The following CADPS2 variants were observed in gnomAD, a reference collection of about 807,000 sequenced individuals.
The protein encoded by CADPS2 is calcium dependent secretion activator 2.
A neutral mutation model predicts 172.5 loss-of-function variants in CADPS2; 93 were observed. The observed-to-expected ratio is 0.54, with a 90% CI of 0.46 to 0.64. CADPS2 has a LOEUF of 0.64. CADPS2 is among the 30% of genes least tolerant of loss of function. The pLI is 0.00. For missense variants in CADPS2, 1,420 were observed against 1,565.9 expected, an observed-to-expected ratio of 0.91 and a Z score of 1.57; for synonymous variants, 546 against 555.2, an observed-to-expected ratio of 0.98 and a Z score of 0.23.
intron 1 of CADPS2, among the ~76,000 whole-genome samples, chr7:122,820,761 T>G (rs1228256884): frequency 1.5e-5 from 2 of 134,268 alleles, no homozygotes; most frequent in African/African-American, 5.7e-5. Flanking sequence ...GGGTTTCACC[T>G]TGTTAGCCAG....
At chr7:122,429,830 T>C (rs1268119600) in intron 17 of CADPS2, among the ~76,000 whole-genome samples, 1 of 151,990 alleles carries the variant, frequency 6.6e-6, no homozygotes, top group Admixed American at 6.6e-5. Context: ...ATCTTAGAAA[T>C]ATTAGTAAAA....
intron 2 of CADPS2, among the ~76,000 whole-genome samples, chr7:122,721,604 A>C (rs189651300): frequency 0.073 from 11,061 of 152,246 alleles, 443 homozygotes; most frequent in South Asian, 0.17. Flanking sequence ...GAATTCTACC[A>C]GAGGTACAAG....
chr7:122,517,333 G>A (rs1266627572), intron 8 of CADPS2, among the ~76,000 whole-genome samples: 5 of 151,928 alleles, frequency 3.3e-5, no homozygotes, highest in African/African-American at 1.2e-4. Context: ...TCACTTCTTT[G>A]GATATCATAA....
intron 6 of CADPS2, among the ~76,000 whole-genome samples, chr7:122,591,015 C>T (rs1014415370): frequency 1.3e-5 from 2 of 151,854 alleles, no homozygotes; most frequent in African/African-American, 4.8e-5. Flanking sequence ...TTGTTGTTGA[C>T]ATACTATAAA....
rs869122039 is a variant in CADPS2 at position 122,762,013 on chromosome 7, A to AAT, written c.340-24947_340-24946dup. On this transcript the variant is annotated intron_variant, in intron 1 of 29. Transcript: ENST00000449022. Reference sequence around the variant, plus strand: ...CTCTGCCTCAAAAAAAAAAAAAAAAAATATATATATATATATACACACACA... The same window carrying AAT: ...CTCTGCCTCAAAAAAAAAAAAAAAAAATATATATATATATATATACACACACA... Among the ~76,000 whole-genome samples, 49 of 97,996 alleles carry AAT rather than the reference A, an allele frequency of 5.0e-4. No homozygotes were observed. In the East Asian group the frequency reaches 7.5e-3, roughly 15 times the overall value. 64.3% of individuals were successfully genotyped at this position (97,996 alleles called of 152,430 possible).
intron 2 of CADPS2, among the ~76,000 whole-genome samples, chr7:122,671,345 C>T (rs1487975218): frequency 6.6e-6 from 1 of 152,114 alleles, no homozygotes; most frequent in Non-Finnish European, 1.5e-5. Flanking sequence ...TGATTTAATT[C>T]CCCCATCCAT....
chr7:122,518,519 T>C (rs1005900814), intron 8 of CADPS2, among the ~76,000 whole-genome samples: 1 of 152,066 alleles, frequency 6.6e-6, no homozygotes, highest in Non-Finnish European at 1.5e-5. Flanking sequence ...GTCTACCAAA[T>C]AAACATATAG....
At chr7:122,687,741 T>A (rs1458279399) in intron 2 of CADPS2, among the ~76,000 whole-genome samples, 1 of 152,126 alleles carries the variant, frequency 6.6e-6, no homozygotes, top group East Asian at 1.9e-4. Flanking sequence ...GACAAAAATA[T>A]CTTATAACAT....
intron 1 of CADPS2, among the ~76,000 whole-genome samples, chr7:122,825,576 TAAAGG>T (rs1563112413): frequency 6.6e-6 from 1 of 152,176 alleles, no homozygotes; most frequent in East Asian, 1.9e-4. Flanking sequence ...AAGAACAAGG[TAAAGG>T]AAACAGGGCT....
intron 3 of CADPS2, among the ~76,000 whole-genome samples, chr7:122,642,548 CTT>C (rs10717947): frequency 0.21 from 30,056 of 146,040 alleles, 3,566 homozygotes; most frequent in Middle Eastern, 0.29. Context: ...CACCCAACAG[CTT>C]TTTTTTTTTT....
rs2032077665 is a variant in CADPS2, at chr7:122,320,097, G to A, written c.*68C>T. On this transcript the variant is annotated 3_prime_UTR_variant, in exon 30 of 30. Coordinates refer to ENST00000449022, the MANE Select transcript of CADPS2 (RefSeq NM_017954.11). ...AACAAACAATGAATGTAATTACAAG[G>A]ACAAGGTTAAAAAAATAAAAAACAA... is the stretch of plus-strand genomic sequence containing the variant. 3.7e-6 allele frequency: 5 copies of A among 1,345,506 alleles called. No homozygotes were observed. Among genetic ancestry groups the A allele is most frequent in the African/African-American group, 1.5e-5 (1 of 67,354 alleles). The allele number at this position is 1,345,506 out of a possible 1,614,324, so 83.3% of individuals were successfully genotyped here.
At chr7:122,485,074 A>C (rs2057671292) in intron 11 of CADPS2, among the ~76,000 whole-genome samples, 1 of 152,192 alleles carries the variant, frequency 6.6e-6, no homozygotes. Flanking sequence ...AATAAATGTT[A>C]TATGTGTTCT....
chr7:122,844,866 T>C (rs934025718), intron 1 of CADPS2, among the ~76,000 whole-genome samples: 3 of 151,604 alleles, frequency 2.0e-5, no homozygotes, highest in Non-Finnish European at 4.4e-5. Context: ...GATGTAAAGA[T>C]AGACATGTGG....
At chr7:122,328,455 T>A (rs1482444353) in intron 28 of CADPS2, 1 of 152,194 alleles carries the variant, frequency 6.6e-6, no homozygotes, top group Non-Finnish European at 1.5e-5. Context: ...GGTTGACCAT[T>A]CACTTTTCTC....
At chr7:122,336,885 A>G (rs1414990048) in intron 28 of CADPS2, among the ~76,000 whole-genome samples, 1 of 152,168 alleles carries the variant, frequency 6.6e-6, no homozygotes, top group Non-Finnish European at 1.5e-5. Flanking sequence ...TTCTGAGCAC[A>G]ATTAAAGGTG....
chr7:122,776,042 G>T (rs1472146971), intron 1 of CADPS2, among the ~76,000 whole-genome samples: 1 of 152,090 alleles, frequency 6.6e-6, no homozygotes, highest in Non-Finnish European at 1.5e-5. Context: ...AAAAAGGAGG[G>T]TTTTTTAAAT....
chr7:122,456,942 A>T (rs1308964194), intron 14 of CADPS2, among the ~76,000 whole-genome samples: 1 of 151,964 alleles, frequency 6.6e-6, no homozygotes, highest in Admixed American at 6.6e-5. Flanking sequence ...AAACGCAAAA[A>T]CTCTTTTATA....
At chr7:122,380,863 A>G (rs1368533518) in intron 24 of CADPS2, among the ~76,000 whole-genome samples, 2 of 152,054 alleles carry the variant, frequency 1.3e-5, no homozygotes, top group Non-Finnish European at 2.9e-5. Context: ...AAACATAGAG[A>G]GTGGATTTCT....
chr7:122,535,958 C>A (rs1257882774), intron 8 of CADPS2, among the ~76,000 whole-genome samples: 1 of 152,088 alleles, frequency 6.6e-6, no homozygotes, highest in East Asian at 1.9e-4. Flanking sequence ...ATCTACCCAA[C>A]TGAACTAAGT....
Sources: allele counts gnomAD v4.1 joint callset (sites outside exome capture counted in the v4.1 genomes callset), GRCh38; gene constraint gnomAD v4.1.1; transcripts MANE v1.5; gene names NCBI Gene and HGNC (gene_info 2026-07-23, HGNC 2026-07-21).